DYSF: variants seen among roughly 807,000 people sequenced by gnomAD.
DYSF encodes dysferlin, also known as dystrophy-associated fer-1-like 1.
Under a neutral mutation model 274.9 loss-of-function variants are expected in DYSF, and 212 were observed. That is an observed-to-expected ratio of 0.77 (90% CI 0.69 to 0.86). The LOEUF (loss-of-function observed/expected upper bound fraction) is 0.86. Ranked by LOEUF, DYSF falls within the 40% of genes least tolerant of loss-of-function variation. The probability of loss-of-function intolerance (pLI) is 0.00; values close to 1 mark genes in which losing one functional copy is unlikely to be tolerated. For missense variants in DYSF, 2,666 were observed against 2,783.2 expected (o/e 0.96, Z 0.95); for synonymous variants, 1,091 against 1,078.7 (o/e 1.01, Z -0.22).
intron 30 of DYSF, among the ~76,000 whole-genome samples, chr2:71,579,545 C>A (rs1481182408): frequency 6.6e-6 from 1 of 152,018 alleles, no homozygotes; most frequent in African/African-American, 2.4e-5. Flanking sequence ...ATCCAGGACC[C>A]CATAGAGGAT....
chr2:71,517,376 A>G (rs557203725), intron 10 of DYSF, among the ~76,000 whole-genome samples: 4 of 152,194 alleles, frequency 2.6e-5, no homozygotes, highest in Non-Finnish European at 4.4e-5. Flanking sequence ...TGCCCACCAC[A>G]TACGTTCTCA....
intron 36 of DYSF, among the ~76,000 whole-genome samples, chr2:71,604,532 G>A (rs1167476196): frequency 6.6e-6 from 1 of 152,218 alleles, no homozygotes; most frequent in Non-Finnish European, 1.5e-5. Context: ...TCAGGGGGCA[G>A]TGAGGGAAGA....
In DYSF at chr2:71,558,790, C is replaced by T. The variant is rs192091269; in HGVS notation, c.2216+2719C>T. ...GAGCTTGGGAGGGGAACTGGGTTCC[C>T]GTCCTCTTGAGAATGCATAATGCCT... On this transcript the variant is annotated intron_variant, in intron 22 of 55. Transcript: ENST00000410020. 7.9e-5 allele frequency among the ~76,000 whole-genome samples: 12 copies of T among 152,226 alleles called. No individual in the cohort carries two copies. The East Asian group carries it at 9.7e-4, about 12-fold the overall frequency.
intron 42 of DYSF, among the ~76,000 whole-genome samples, chr2:71,654,337 A>G (rs1303375068): frequency 2.6e-5 from 4 of 152,206 alleles, no homozygotes; most frequent in Non-Finnish European, 5.9e-5. Context: ...TCCAGAGAGC[A>G]ATTTGTGCAC....
chr2:71,596,632 A>G (rs1529406), intron 32 of DYSF, among the ~76,000 whole-genome samples: 104,942 of 152,018 alleles, frequency 0.69, 37,422 homozygotes, highest in African/African-American at 0.87. Flanking sequence ...CATGGAAAGG[A>G]GAGCCCCATG....
intron 41 of DYSF, among the ~76,000 whole-genome samples, chr2:71,628,491 A>G (rs1367171276): frequency 6.6e-6 from 1 of 151,278 alleles, no homozygotes; most frequent in Non-Finnish European, 1.5e-5. Context: ...AGGTCAGTTC[A>G]TTATAAACTT....
intron 3 of DYSF, among the ~76,000 whole-genome samples, chr2:71,491,755 A>T (rs1036773598): frequency 3.9e-5 from 6 of 152,156 alleles, no homozygotes; most frequent in Non-Finnish European, 8.8e-5. Context: ...ATTCTTTTTC[A>T]TGGCTGCATA....
At chr2:71,534,977 C>T (rs1371298314) in intron 14 of DYSF, 44 bp from the exon 15 acceptor site, 1 of 1,606,128 alleles carries the variant, frequency 6.2e-7, no homozygotes, top group Admixed American at 1.7e-5. Flanking sequence ...AGCCCAGAGT[C>T]CCCATGGAGC....
Position 71,675,461 on chromosome 2 carries a change from C to T in DYSF, c.5884+1165C>T, listed in dbSNP as rs983938342. On this transcript the variant is annotated intron_variant, in intron 52 of 55. Transcript: ENST00000410020. ...TAGCCCTTGACTGGAGAAGGTGAGT[C>T]GTTCTTAGCTGAGCCCTGGGGCCCC... Among the ~76,000 whole-genome samples, 3 of 152,260 alleles carry T rather than the reference C, an allele frequency of 2.0e-5. No individual in the cohort carries two copies. The East Asian group carries it at 5.8e-4, about 30-fold the overall frequency.
chr2:71,531,817 G>A (rs561017211), intron 14 of DYSF, among the ~76,000 whole-genome samples: 3 of 152,234 alleles, frequency 2.0e-5, no homozygotes, highest in South Asian at 2.1e-4. Flanking sequence ...TCACAGTGCC[G>A]TTGGCTGTGA....
Position 71,551,669 on chromosome 2 carries a change from C to G in DYSF, c.1755C>G (p.His585Gln). 6.2e-7 allele frequency: 1 copy of G among 1,611,252 alleles called. No homozygotes were observed. Among genetic ancestry groups the G allele is most frequent in the Non-Finnish European group, 8.5e-7 (1 of 1,179,498 alleles). The change falls in exon 19 of 56, where the codon CAC becomes CAG. Residue 585 changes from histidine (H) to glutamine (Q), a missense_variant. This residue lies in a region of DYSF where 794 missense variants were observed against 777.1 expected (regional missense o/e 1.02). Coordinates refer to ENST00000410020, the MANE Select transcript of DYSF (RefSeq NM_001130987.2). ...CCCTGGAGACCAAGCTGGTGGAGCACAGTGAACAGAAGGTGGAGGACCTTC... is the reference window on the plus strand; with the variant it reads ...CCCTGGAGACCAAGCTGGTGGAGCAGAGTGAACAGAAGGTGGAGGACCTTC... ...LLSLETKLVE[H>Q]SEQKVEDLPA...
intron 9 of DYSF, 61 bp downstream of exon 9, chr2:71,516,303 C>A: frequency 6.6e-7 from 1 of 1,513,036 alleles, no homozygotes; most frequent in East Asian, 2.3e-5. Flanking sequence ...GGTGTCAGTG[C>A]ACACGCGTGT....
chr2:71,527,205 T>C (rs2088032871), intron 13 of DYSF, among the ~76,000 whole-genome samples: 2 of 152,146 alleles, frequency 1.3e-5, no homozygotes, highest in African/African-American at 4.8e-5. Context: ...GGTTGTTCTG[T>C]GGTGAGGCCC....
rs563759571 is a variant in DYSF, at chr2:71,664,451, G to A, written c.5174+13G>A. ...AGACCTACTGTGTGTACGTGGATGG[G>A]GGCTGGCTGCCTGCTTCTCTGACAA... On this transcript the variant is annotated intron_variant, in intron 46 of 55. Coordinates refer to ENST00000410020, the MANE Select transcript of DYSF (RefSeq NM_001130987.2). 6.2e-7 allele frequency: 1 copy of A among 1,613,800 alleles called. No individual in the cohort carries two copies. Among genetic ancestry groups the A allele is most frequent in the African/African-American group, 1.3e-5 (1 of 74,994 alleles).
chr2:71,454,998 C>A (rs1049442317), intron 1 of DYSF, among the ~76,000 whole-genome samples: 1 of 151,596 alleles, frequency 6.6e-6, no homozygotes, highest in Non-Finnish European at 1.5e-5. Flanking sequence ...TCCTCTCAGC[C>A]TCCACTACCT....
chr2:71,629,070 C>G (rs2094265643), intron 41 of DYSF, among the ~76,000 whole-genome samples: 2 of 152,188 alleles, frequency 1.3e-5, no homozygotes, highest in African/African-American at 4.8e-5. Context: ...ATTCCATTCT[C>G]TCATCATTTC....
At chr2:71,586,612 C>T (rs1354236541) in intron 30 of DYSF, among the ~76,000 whole-genome samples, 1 of 152,098 alleles carries the variant, frequency 6.6e-6, no homozygotes, top group Non-Finnish European at 1.5e-5. Flanking sequence ...AGGCAGGAGG[C>T]CCTGCCCTTG....
Position 71,681,656 on chromosome 2 carries a change from C to T in DYSF, c.6173+546C>T, listed in dbSNP as rs181030578. 9.5e-4 allele frequency among the ~76,000 whole-genome samples: 145 copies of T among 152,316 alleles called. 1 individual carries two copies. Among genetic ancestry groups the T allele is most frequent in the Middle Eastern group, 3.4e-3 (1 of 294 alleles). The stretch of plus-strand genomic sequence containing the variant: ...GGGAGCCCAATCCCTGTCTTCCCTA[C>T]ATCACAGACCTCTTGGGGAGATAGA... On this transcript the variant is annotated intron_variant, in intron 54 of 55. Transcript: ENST00000410020.
chr2:71,569,806 G>A lies in DYSF; in HGVS notation c.2865-14G>A. ...AGCAGAGCAGCAGAGACTCTGACCAGCCCTCCTCCACAGTCTGCTCCATGA... is the reference window on the plus strand; with the variant it reads ...AGCAGAGCAGCAGAGACTCTGACCAACCCTCCTCCACAGTCTGCTCCATGA... On this transcript the variant is annotated splice_polypyrimidine_tract_variant and intron_variant, in intron 26 of 55. Coordinates refer to ENST00000410020, the MANE Select transcript of DYSF (RefSeq NM_001130987.2). The A allele has an allele frequency of 6.2e-7, 1 of 1,610,268 alleles. No homozygotes were observed. The highest frequency in any genetic ancestry group is 8.5e-7 in the Non-Finnish European group (1 of 1,177,324).
Sources: gnomAD v4.1 joint callset for allele counts (sites outside exome capture counted in the v4.1 genomes callset) on GRCh38, gnomAD v4.1.1 for gene constraint, gnomAD v4.1.1 regional missense constraint, MANE v1.5 for transcripts, NCBI Gene and HGNC (gene_info 2026-07-23, HGNC 2026-07-21) for gene names.